The following DLG1 variants were observed in gnomAD, a reference collection of about 807,000 sequenced individuals.
DLG1 encodes disks large homolog 1.
A neutral mutation model predicts 123.4 loss-of-function variants in DLG1; 42 were observed. The observed-to-expected ratio is 0.34, with a 90% CI of 0.27 to 0.44. The LOEUF (loss-of-function observed/expected upper bound fraction) is 0.44, where lower values mean the gene tolerates loss of function less well. Ranked by LOEUF, DLG1 falls within the 20% of genes least tolerant of loss-of-function variation. DLG1 has a pLI of 1.00. For missense variants in DLG1, 942 were observed against 1,082.6 expected (o/e 0.87, Z 1.82); for synonymous variants, 317 against 356.2 (o/e 0.89, Z 1.24).
chr3:197,230,754 T>C (rs1742510198), intron 4 of DLG1, among the ~76,000 whole-genome samples: 1 of 152,222 alleles, frequency 6.6e-6, no homozygotes, highest in Non-Finnish European at 1.5e-5. Context: ...TAAACAATTG[T>C]AATTCCTACA....
intron 4 of DLG1, among the ~76,000 whole-genome samples, chr3:197,221,274 T>C (rs1736854368): frequency 1.3e-5 from 2 of 152,090 alleles, no homozygotes; most frequent in South Asian, 2.1e-4. Context: ...TCCCAGCACT[T>C]TGAGAGAACA....
chr3:197,046,287 C>G (rs900075541), intron 24 of DLG1, among the ~76,000 whole-genome samples: 3 of 152,202 alleles, frequency 2.0e-5, no homozygotes, highest in Non-Finnish European at 4.4e-5. Flanking sequence ...TAGGAGAAAA[C>G]AGTCAGGAAC....
chr3:197,238,473 T>C (rs1320830561), intron 4 of DLG1, among the ~76,000 whole-genome samples: 1 of 152,042 alleles, frequency 6.6e-6, no homozygotes, highest in Non-Finnish European at 1.5e-5. Flanking sequence ...CACAAAGAAC[T>C]ATATGGAAAT....
intron 5 of DLG1, among the ~76,000 whole-genome samples, chr3:197,158,340 T>C (rs1051204629): frequency 2.0e-5 from 3 of 151,726 alleles, no homozygotes; most frequent in Non-Finnish European, 2.9e-5. Context: ...ATTCTACAAC[T>C]GGCTGGATGC....
chr3:197,263,296 C>T (rs879179676), intron 4 of DLG1, among the ~76,000 whole-genome samples: 1 of 152,086 alleles, frequency 6.6e-6, no homozygotes, highest in African/African-American at 2.4e-5. Context: ...AAAATCACTA[C>T]GGCAAGTTAG....
chr3:197,232,084 A>C (rs946361954), intron 4 of DLG1, among the ~76,000 whole-genome samples: 2 of 152,254 alleles, frequency 1.3e-5, no homozygotes, highest in African/African-American at 4.8e-5. Flanking sequence ...TACTATTTAT[A>C]AATCTGTTCT....
chr3:197,259,481 T>C (rs577381843), intron 4 of DLG1, among the ~76,000 whole-genome samples: 34 of 152,354 alleles, frequency 2.2e-4, no homozygotes, highest in African/African-American at 7.9e-4. Flanking sequence ...TACTCTTTTA[T>C]TACTGAATGT....
chr3:197,166,671 T>C (rs531351899), intron 5 of DLG1, among the ~76,000 whole-genome samples: 1 of 152,108 alleles, frequency 6.6e-6, no homozygotes, highest in African/African-American at 2.4e-5. Flanking sequence ...GGGCGGATCA[T>C]CTGAGGTCAG....
At chr3:197,167,894 G>T (rs1802207503) in intron 5 of DLG1, among the ~76,000 whole-genome samples, 1 of 152,110 alleles carries the variant, frequency 6.6e-6, no homozygotes, top group Non-Finnish European at 1.5e-5. Context: ...TATTTTTTAA[G>T]TGTTTGAAAA....
intron 5 of DLG1, among the ~76,000 whole-genome samples, chr3:197,189,674 A>C (rs1197676473): frequency 6.6e-6 from 1 of 152,250 alleles, no homozygotes; most frequent in Non-Finnish European, 1.5e-5. Flanking sequence ...AAGGCAGAGC[A>C]AGAGAATGGC....
chr3:197,061,381 T>A (rs1735675123), intron 22 of DLG1, among the ~76,000 whole-genome samples: 1 of 152,240 alleles, frequency 6.6e-6, no homozygotes, highest in Non-Finnish European at 1.5e-5. Context: ...GAGAATAAAC[T>A]GCATAATGCT....
At position 197,059,902 on chromosome 3, in the gene DLG1, T is replaced by A; in HGVS notation, c.2470A>T (p.Met824Leu). ...PISIFIKPKS[M>L]ENIMEMNKRL... Reference sequence around the variant, plus strand: ...ATTTACACTTACATGATATTTTCCATGGATTTGGGTTTAATAAAAATGGAG... The same window carrying A: ...ATTTACACTTACATGATATTTTCCAAGGATTTGGGTTTAATAAAAATGGAG... The change falls in exon 23 of 25, where the codon ATG (methionine) becomes TTG (leucine). Residue 824 changes from methionine (M) to leucine (L), a missense_variant. Coordinates refer to ENST00000667157, the MANE Select transcript of DLG1 (RefSeq NM_001366207.1). 6.2e-7 allele frequency: 1 copy of A among 1,611,672 alleles called. No individual in the cohort carries two copies. Among genetic ancestry groups the A allele is most frequent in the Non-Finnish European group, 8.5e-7 (1 of 1,178,064 alleles).
chr3:197,261,010 A>G (rs1042748614), intron 4 of DLG1, among the ~76,000 whole-genome samples: 2 of 152,134 alleles, frequency 1.3e-5, no homozygotes, highest in Non-Finnish European at 2.9e-5. Flanking sequence ...AACAAAGGCA[A>G]ATTTTAACTT....
chr3:197,055,067 G>A (rs1402511888), intron 23 of DLG1, among the ~76,000 whole-genome samples: 2 of 151,968 alleles, frequency 1.3e-5, no homozygotes, highest in South Asian at 2.1e-4. Flanking sequence ...TGCCTGCCTC[G>A]GCCTCCCAAA....
In DLG1 at chr3:197,076,704, G is replaced by C; in HGVS notation, c.1906-19C>G. ...ATGACTGCTGAAGAAGAGAAGGAGGGGCAAAACAAAGGGATGTCTACTGTC... is the reference window on the plus strand; with the variant it reads ...ATGACTGCTGAAGAAGAGAAGGAGGCGCAAAACAAAGGGATGTCTACTGTC... On this transcript the variant is annotated intron_variant, in intron 17 of 24. Transcript: ENST00000667157. 1 of 1,594,584 alleles carries C rather than the reference G, an allele frequency of 6.3e-7. No homozygotes were observed. Among genetic ancestry groups the C allele is most frequent in the Non-Finnish European group, 8.6e-7 (1 of 1,163,448 alleles).
chr3:197,251,932 G>A (rs560324443), intron 4 of DLG1, among the ~76,000 whole-genome samples: 5 of 152,328 alleles, frequency 3.3e-5, no homozygotes, highest in African/African-American at 1.2e-4. Context: ...CCAGTACATG[G>A]TAAGATTCAC....
Position 197,250,292 on chromosome 3 carries a change from G to A in DLG1, c.318+32387C>T, listed in dbSNP as rs747503704. Among the ~76,000 whole-genome samples the A allele has an allele frequency of 3.9e-5, 6 of 152,194 alleles. No homozygotes were observed. In the South Asian group the frequency reaches 8.3e-4, roughly 21 times the overall value. ...TCTGAAAAGAAATTTAAAAAGCACCGGGCACGGCGGCTCATGCCTGTAATC... is the reference window on the plus strand; with the variant it reads ...TCTGAAAAGAAATTTAAAAAGCACCAGGCACGGCGGCTCATGCCTGTAATC... On this transcript the variant is annotated intron_variant, in intron 4 of 24. Transcript: ENST00000667157.
intron 4 of DLG1, among the ~76,000 whole-genome samples, chr3:197,269,367 C>T (rs1762989486): frequency 6.6e-6 from 1 of 152,086 alleles, no homozygotes; most frequent in African/African-American, 2.4e-5. Flanking sequence ...TGGTCTGTGG[C>T]TGGCCAAAAC....
chr3:197,061,236 C>T (rs1735554137), intron 22 of DLG1, among the ~76,000 whole-genome samples: 1 of 152,154 alleles, frequency 6.6e-6, no homozygotes, highest in Admixed American at 6.5e-5. Context: ...AAATAATAGA[C>T]ACCATGTACC....
Sources: gnomAD v4.1 joint callset for allele counts (sites outside exome capture counted in the v4.1 genomes callset) on GRCh38, gnomAD v4.1.1 for gene constraint, MANE v1.5 for transcripts, NCBI Gene and HGNC (gene_info 2026-07-23, HGNC 2026-07-21) for gene names.